The following TCF12 variants were observed in gnomAD, a reference collection of about 807,000 sequenced individuals.
TCF12 encodes transcription factor 12.
TCF12 carries 45 observed loss-of-function variants against 86.0 expected under a neutral mutation model. The ratio of observed to expected loss-of-function variants is 0.52; its 90% CI spans 0.41 to 0.67. The LOEUF is 0.67. Ranked by LOEUF, TCF12 falls within the 30% of genes least tolerant of loss-of-function variation. TCF12 has a pLI of 0.00. For missense variants in TCF12, 881 were observed against 859.9 expected, an observed-to-expected ratio of 1.02 and a Z score of -0.31; for synonymous variants, 330 against 299.6, an observed-to-expected ratio of 1.10 and a Z score of -1.05.
intron 6 of TCF12, among the ~76,000 whole-genome samples, chr15:57,187,965 T>A (rs2056771751): frequency 1.3e-5 from 2 of 151,536 alleles, no homozygotes; most frequent in South Asian, 4.2e-4. Context: ...ACAGATTAGC[T>A]AGCCAAGAAA....
intron 3 of TCF12, among the ~76,000 whole-genome samples, chr15:57,041,782 T>C (rs1481134479): frequency 1.3e-5 from 2 of 152,232 alleles, no homozygotes; most frequent in African/African-American, 4.8e-5. Flanking sequence ...AAATGGTCTT[T>C]GGAAATTTAT....
chr15:57,106,017 G>T (rs138380104), intron 5 of TCF12, among the ~76,000 whole-genome samples: 6 of 152,274 alleles, frequency 3.9e-5, no homozygotes, highest in Middle Eastern at 3.4e-3. Context: ...TAGAGAAAAG[G>T]TTGAGTAAAT....
chr15:57,260,848 A>G (rs2060555449), intron 16 of TCF12, among the ~76,000 whole-genome samples: 1 of 152,220 alleles, frequency 6.6e-6, no homozygotes, highest in Non-Finnish European at 1.5e-5. Flanking sequence ...TTGAAACAGA[A>G]TTTCATGAAA....
intron 3 of TCF12, among the ~76,000 whole-genome samples, chr15:57,022,485 A>G (rs1052846644): frequency 6.6e-6 from 1 of 152,140 alleles, no homozygotes; most frequent in Non-Finnish European, 1.5e-5. Flanking sequence ...ATTTGGGTTG[A>G]TTCCAAGTCT....
chr15:57,210,755 A>G, intron 8 of TCF12, among the ~76,000 whole-genome samples: 1 of 152,192 alleles, frequency 6.6e-6, no homozygotes, highest in Admixed American at 6.6e-5. Flanking sequence ...CGCACCTATA[A>G]AGTTACTGTA....
intron 7 of TCF12, among the ~76,000 whole-genome samples, chr15:57,194,663 T>C (rs1234882108): frequency 6.6e-6 from 1 of 152,206 alleles, no homozygotes; most frequent in East Asian, 1.9e-4. Flanking sequence ...TCCCCACATT[T>C]TAATGGAAAC....
intron 2 of TCF12, 84 bp downstream of exon 2, chr15:56,920,072 G>C: frequency 6.6e-7 from 1 of 1,510,116 alleles, no homozygotes; most frequent in African/African-American, 1.4e-5. Context: ...TAAAGGGTGA[G>C]GGGAAGCAAC....
At chr15:57,247,047 T>A (rs1289887454) in intron 13 of TCF12, 14 of 556,238 alleles carry the variant, frequency 2.5e-5, no homozygotes, top group Non-Finnish European at 4.5e-5. Flanking sequence ...TTTCATGGGT[T>A]CATAGTTTGA....
chr15:57,197,993 T>C (rs1313464765), intron 8 of TCF12, among the ~76,000 whole-genome samples, 168 bp downstream of exon 8: 1 of 152,212 alleles, frequency 6.6e-6, no homozygotes, highest in Non-Finnish European at 1.5e-5. Flanking sequence ...ATTTAATGTT[T>C]GGTTTTTAGA....
At chr15:56,938,957 TTAATA>T (rs1352009880) in intron 3 of TCF12, among the ~76,000 whole-genome samples, 3 of 152,206 alleles carry the variant, frequency 2.0e-5, no homozygotes, top group Non-Finnish European at 4.4e-5. Context: ...TTTATGTTCT[TTAATA>T]ATCTGATGGA....
chr15:57,075,483 T>C (rs1410662117), intron 4 of TCF12, among the ~76,000 whole-genome samples: 1 of 152,192 alleles, frequency 6.6e-6, no homozygotes, highest in African/African-American at 2.4e-5. Flanking sequence ...CATCAGTTTA[T>C]ATTTCATAAA....
At chr15:56,990,734 A>C (rs2063411978) in intron 3 of TCF12, among the ~76,000 whole-genome samples, 1 of 152,026 alleles carries the variant, frequency 6.6e-6, no homozygotes, top group Non-Finnish European at 1.5e-5. Flanking sequence ...TAAAAACTTT[A>C]GCAGCTTTGA....
At chr15:57,009,952 A>G (rs1231648024) in intron 3 of TCF12, among the ~76,000 whole-genome samples, 2 of 152,210 alleles carry the variant, frequency 1.3e-5, no homozygotes, top group South Asian at 2.1e-4. Context: ...GAGGGTAAAT[A>G]TAAGTAACCT....
chr15:56,934,344 G>A (rs183452244), intron 3 of TCF12, among the ~76,000 whole-genome samples: 48 of 152,294 alleles, frequency 3.2e-4, no homozygotes, highest in Non-Finnish European at 1.5e-5. Flanking sequence ...ACGTTTTAAA[G>A]AGTTAAAAAG....
chr15:57,048,562 C>T (rs968231292), intron 3 of TCF12, among the ~76,000 whole-genome samples: 3 of 152,090 alleles, frequency 2.0e-5, no homozygotes, highest in African/African-American at 7.2e-5. Flanking sequence ...CACCCAGCCT[C>T]CTCCACTGAA....
At chr15:57,024,214 G>GTTTTTT (rs2065675315) in intron 3 of TCF12, among the ~76,000 whole-genome samples, 1 of 114,864 alleles carries the variant, frequency 8.7e-6, no homozygotes, top group African/African-American at 3.9e-5. Context: ...TCAAAAAAGT[G>GTTTTTT]TCTTTTTTTT....
chr15:56,983,988 T>C (rs1287793739), intron 3 of TCF12, among the ~76,000 whole-genome samples: 1 of 14,694 alleles, frequency 6.8e-5, no homozygotes. Flanking sequence ...GGCAACTGAG[T>C]GAGACCCTGT....
At chr15:57,223,512 T>G (rs954375612) in intron 8 of TCF12, among the ~76,000 whole-genome samples, 4 of 151,942 alleles carry the variant, frequency 2.6e-5, no homozygotes, top group Non-Finnish European at 5.9e-5. Flanking sequence ...TCAAGCAAAT[T>G]TTTGTCAACT....
intron 6 of TCF12, among the ~76,000 whole-genome samples, chr15:57,187,008 C>G (rs1158606521): frequency 3.3e-5 from 5 of 152,086 alleles, no homozygotes; most frequent in African/African-American, 1.2e-4. Context: ...TGATGAAACT[C>G]TGTCTCTACT....
Sources: allele counts gnomAD v4.1 joint callset (sites outside exome capture counted in the v4.1 genomes callset), GRCh38; gene constraint gnomAD v4.1.1; transcripts MANE v1.5; gene names NCBI Gene and HGNC (gene_info 2026-07-23, HGNC 2026-07-21).